USP19: variants seen among roughly 807,000 people sequenced by gnomAD.
The protein encoded by USP19 is ubiquitin specific peptidase 19.
Under a neutral mutation model 144.8 loss-of-function variants are expected in USP19, and 40 were observed. The observed-to-expected ratio is 0.28, with a 90% CI of 0.21 to 0.36. USP19 has a LOEUF of 0.36. Among genes scored for constraint, USP19 ranks in the 10% least tolerant of loss-of-function variants. The pLI is 1.00. For synonymous variants in USP19, 701 were observed against 709.3 expected (o/e 0.99, Z 0.19); for missense variants, 1,518 against 1,822.5 (o/e 0.83, Z 3.04).
In USP19 at chr3:49,110,327, C is replaced by T. The variant is rs185755099; in HGVS notation, c.3895G>A (p.Val1299Ile). The T allele has an allele frequency of 1.5e-4, 236 of 1,602,280 alleles. No homozygotes were observed. Among genetic ancestry groups the T allele is most frequent in the Admixed American group, 9.5e-4 (56 of 59,070 alleles). The change falls in exon 26 of 27, where the codon GTA (valine) becomes ATA (isoleucine). Residue 1299 changes from valine to isoleucine, a missense_variant. Physicochemically the swap from Val to Ile is conservative, Grantham distance 29. This residue lies in a region of USP19 where 122 missense variants were observed against 200.4 expected (regional missense o/e 0.61). Coordinates refer to ENST00000417901, the MANE Select transcript of USP19 (RefSeq NM_001199161.2). The surrounding 1 kb of genome is among the most constrained non-coding windows in gnomAD (Gnocchi z 6.1). ...RLFDDSTVTT[V>I]DESQVVTRYA... is the part of the protein sequence containing the mutation. ...CGCGTCACAACCTGGCTCTCGTCTA[C>T]CGTTGTCACTGTGCTGTCATCAAAC...
At chr3:49,120,267 G>A (rs1037230806) in intron 1 of USP19, among the ~76,000 whole-genome samples, 1 of 152,190 alleles carries the variant, frequency 6.6e-6, no homozygotes, top group Non-Finnish European at 1.5e-5. Flanking sequence ...AGGAAGGAGG[G>A]ATGGCAGGAT....
intron 26 of USP19, 186 bp downstream of exon 26, chr3:49,109,998 T>A: frequency 1.6e-6 from 1 of 610,532 alleles, no homozygotes; most frequent in Non-Finnish European, 2.5e-6. Context: ...CTTGTATGTT[T>A]GTTAGTGTCC....
Position 49,112,135 on chromosome 3 carries a change from G to A in USP19, c.2766-87C>T. 1.3e-6 allele frequency: 2 copies of A among 1,563,264 alleles called. No homozygotes were observed. Among genetic ancestry groups the A allele is most frequent in the Non-Finnish European group, 1.7e-6 (2 of 1,153,232 alleles). On this transcript the variant is annotated intron_variant, in intron 19 of 26. Coordinates refer to ENST00000417901, the MANE Select transcript of USP19 (RefSeq NM_001199161.2). This position sits in a 1 kb window ranked among gnomAD's most constrained non-coding sequence, Gnocchi z 4.9. ...GGGCTAGTCATAGTCCCTGGGAACT[G>A]GGTACGCCAGCCCTGCCTCCCCCAG...
Position 49,115,275 on chromosome 3 carries a change from C to T in USP19, c.1975G>A (p.Ala659Thr), listed in dbSNP as rs753321037. Reference sequence around the variant, plus strand: ...GCATGGTGGGTGCCCTTCCACAGCGCCCGAAGCAGCACGGCAAAGCCAATG... The same window carrying T: ...GCATGGTGGGTGCCCTTCCACAGCGTCCGAAGCAGCACGGCAAAGCCAATG... Reference protein sequence around the residue: ...LAIGFAVLLRALWKGTHHAFQ... With the variant: ...LAIGFAVLLRTLWKGTHHAFQ... The change falls in exon 13 of 27, where the codon GCG becomes ACG. Residue 659 changes from alanine to threonine, a missense_variant. This residue lies in a region of USP19 where 158 missense variants were observed against 277.3 expected (regional missense o/e 0.57). Transcript: ENST00000417901. This position sits in a 1 kb window ranked among gnomAD's most constrained non-coding sequence, Gnocchi z 6.6. 6.2e-7 allele frequency: 1 copy of T among 1,614,134 alleles called. No homozygotes were observed. Among genetic ancestry groups the T allele is most frequent in the Non-Finnish European group, 8.5e-7 (1 of 1,180,038 alleles).
rs1295745664 is a variant in USP19, at chr3:49,110,320, T to C, written c.3902A>G (p.Glu1301Gly). ...GGCATAACGCGTCACAACCTGGCTC[T>C]CGTCTACCGTTGTCACTGTGCTGTC... is the stretch of plus-strand genomic sequence containing the variant. ...FDDSTVTTVD[E>G]SQVVTRYAYV... The change falls in exon 26 of 27, where the codon GAG (glutamate) becomes GGG (glycine). Residue 1301 changes from glutamate to glycine, a missense_variant. By Grantham distance (98) the Glu-to-Gly change is moderately conservative (BLOSUM62 -2). This residue lies in a region of USP19 where 122 missense variants were observed against 200.4 expected (regional missense o/e 0.61). Coordinates refer to ENST00000417901, the MANE Select transcript of USP19 (RefSeq NM_001199161.2). This position sits in a 1 kb window ranked among gnomAD's most constrained non-coding sequence, Gnocchi z 6.1. The C allele has an allele frequency of 1.2e-6, 2 of 1,603,836 alleles. No individual in the cohort carries two copies. Among genetic ancestry groups the C allele is most frequent in the Admixed American group, 3.4e-5 (2 of 59,264 alleles).
chr3:49,111,460 T>A lies in USP19; in HGVS notation c.3217+40A>T. On this transcript the variant is annotated intron_variant, in intron 21 of 26. Coordinates refer to ENST00000417901, the MANE Select transcript of USP19 (RefSeq NM_001199161.2). This position sits in a 1 kb window ranked among gnomAD's most constrained non-coding sequence, Gnocchi z 5.9. ...CAACAGCCCCCTCCATCCTCCCTTA[T>A]CCTCCTCCCCAGCTTCTAGAGCCTT... is the stretch of plus-strand genomic sequence containing the variant. The A allele has an allele frequency of 1.2e-6, 2 of 1,611,780 alleles. No individual in the cohort carries two copies. Among genetic ancestry groups the A allele is most frequent in the Non-Finnish European group, 8.5e-7 (1 of 1,179,364 alleles).
chr3:49,111,232 C>T lies in USP19; in HGVS notation c.3328+23G>A. 6.2e-7 allele frequency: 1 copy of T among 1,614,086 alleles called. No individual in the cohort carries two copies. Among genetic ancestry groups the T allele is most frequent in the Non-Finnish European group, 8.5e-7 (1 of 1,179,976 alleles). ...ACAGCCAGCTCAACCCACCCCATGG[C>T]TCCCACCCACAGCCTCAGACACCTT... On this transcript the variant is annotated intron_variant, in intron 22 of 26. Coordinates refer to ENST00000417901, the MANE Select transcript of USP19 (RefSeq NM_001199161.2). This position sits in a 1 kb window ranked among gnomAD's most constrained non-coding sequence, Gnocchi z 5.9.
chr3:49,109,993 A>C, intron 26 of USP19, 191 bp downstream of exon 26: 1 of 573,538 alleles, frequency 1.7e-6, no homozygotes, highest in Non-Finnish European at 2.7e-6. Flanking sequence ...GTGTACTTGT[A>C]TGTTTGTTAG....
Position 49,111,621 on chromosome 3 carries a change from C to G in USP19, c.3096G>C (p.Val1032=). 6.2e-7 allele frequency: 1 copy of G among 1,609,874 alleles called. No homozygotes were observed. Among genetic ancestry groups the G allele is most frequent in the Non-Finnish European group, 8.5e-7 (1 of 1,178,312 alleles). ...CAGGACCCCGGTCAGGGGCTGCCCA[C>G]ACCCGGGGAAGCCCTGTGTCCCCCT... is the stretch of plus-strand genomic sequence containing the variant. ...MAEGDTGLPR[V]WAAPDRGPVP... Residue 1032 remains valine, a synonymous_variant, in exon 21 of 27, where the codon GTG becomes GTC. Transcript: ENST00000417901. The surrounding 1 kb of genome is among the most constrained non-coding windows in gnomAD (Gnocchi z 5.9).
rs1391511693 is a variant in USP19 at position 49,111,181 on chromosome 3, GGA to G, written c.3329-17_3329-16del. 2.5e-6 allele frequency: 4 copies of G among 1,614,026 alleles called. No homozygotes were observed. The highest frequency in any genetic ancestry group is 1.1e-5 in the South Asian group (1 of 91,074). On this transcript the variant is annotated splice_polypyrimidine_tract_variant and intron_variant, in intron 22 of 26. Transcript: ENST00000417901. This position sits in a 1 kb window ranked among gnomAD's most constrained non-coding sequence, Gnocchi z 5.9. ...TGGGGTGTCTCCTGGAGATTCGCAG[GGA>G]GAGAGGTCATGCAGCTGTGGAGAAC...
rs1319929093 is a variant in USP19, at chr3:49,114,716, TAGCTG to T, written c.2292+42_2292+46del. The T allele has an allele frequency of 5.0e-6, 8 of 1,597,024 alleles. No homozygotes were observed. Among genetic ancestry groups the T allele is most frequent in the Non-Finnish European group, 6.9e-6 (8 of 1,165,360 alleles). The stretch of plus-strand genomic sequence containing the variant: ...GCCTCTGAACCTAATGTGACCAGAA[TAGCTG>T]AGCTGAACTAGGGGGTCTCTTTCCA... On this transcript the variant is annotated intron_variant, in intron 15 of 26. Transcript: ENST00000417901. This position sits in a 1 kb window ranked among gnomAD's most constrained non-coding sequence, Gnocchi z 4.5.
At position 49,108,186 on chromosome 3, in the gene USP19, A is replaced by G; in HGVS notation, c.*226T>C. The G allele has an allele frequency of 4.6e-6, 1 of 216,456 alleles. No homozygotes were observed. Among genetic ancestry groups the G allele is most frequent in the Non-Finnish European group, 9.4e-6 (1 of 106,744 alleles). The allele number at this position is 216,456 out of a possible 1,614,324, so 13.4% of individuals were successfully genotyped here. On this transcript the variant is annotated 3_prime_UTR_variant, in exon 27 of 27. Transcript: ENST00000417901. The surrounding 1 kb of genome is among the most constrained non-coding windows in gnomAD (Gnocchi z 4.8). ...TCAGAAGAATTGAAGGTACAACAGA[A>G]TCAAATCACGCAGCACTGGAGGCGG...
rs757682286 is a variant in USP19 at position 49,117,463 on chromosome 3, G to C, written c.580C>G (p.Pro194Ala). Residue 194 changes from proline to alanine, a missense_variant, in exon 5 of 27, where the codon CCT becomes GCT. Coordinates refer to ENST00000417901, the MANE Select transcript of USP19 (RefSeq NM_001199161.2). This position sits in a 1 kb window ranked among gnomAD's most constrained non-coding sequence, Gnocchi z 4.4. The stretch of plus-strand genomic sequence containing the variant: ...AGGAGGGAGGGCCACGTGAGCATAG[G>C]CACCTTTTTGGGCAGTGTCAGGTGC... ...LLHLTLPKKVPMLTWPSLLKK... is the reference protein window; with the variant it reads ...LLHLTLPKKVAMLTWPSLLKK... The C allele has an allele frequency of 6.2e-7, 1 of 1,614,032 alleles. No homozygotes were observed. Among genetic ancestry groups the C allele is most frequent in the African/African-American group, 1.3e-5 (1 of 74,940 alleles).
Position 49,111,614 on chromosome 3 carries a change from C to T in USP19, c.3103G>A (p.Ala1035Thr), listed in dbSNP as rs766597509. ...CTGGGCACAGGACCCCGGTCAGGGG[C>T]TGCCCACACCCGGGGAAGCCCTGTG... ...GDTGLPRVWAAPDRGPVPSTS... is the reference protein window; with the variant it reads ...GDTGLPRVWATPDRGPVPSTS... The change falls in exon 21 of 27, where the codon GCC (alanine) becomes ACC (threonine). Residue 1035 changes from alanine to threonine, a missense_variant. Transcript: ENST00000417901. This position sits in a 1 kb window ranked among gnomAD's most constrained non-coding sequence, Gnocchi z 5.9. The T allele has an allele frequency of 5.0e-6, 8 of 1,610,686 alleles. No individual in the cohort carries two copies. Among genetic ancestry groups the T allele is most frequent in the Non-Finnish European group, 6.8e-6 (8 of 1,178,756 alleles).
chr3:49,109,217 C>CG (rs774013144), intron 26 of USP19: 165 of 1,442,720 alleles, frequency 1.1e-4, no homozygotes, highest in Admixed American at 2.3e-4. Context: ...ATCAGCACCC[C>CG]GGGGGTGGGG....
chr3:49,113,116 G>T (rs868212701), intron 17 of USP19, among the ~76,000 whole-genome samples: 8 of 152,152 alleles, frequency 5.3e-5, no homozygotes, highest in Middle Eastern at 3.2e-3. Flanking sequence ...CAAGCTCCTT[G>T]TCTAAAAAGG....
At chr3:49,109,246 G>A in intron 26 of USP19, 3 of 1,446,650 alleles carry the variant, frequency 2.1e-6, no homozygotes, top group Non-Finnish European at 2.7e-6. Context: ...GTGTCCCTGA[G>A]ACCCTTAGCC....
chr3:49,117,391 C>T lies in USP19; in HGVS notation c.607-30G>A, dbSNP rs775413203. The T allele has an allele frequency of 1.1e-5, 17 of 1,608,300 alleles. No homozygotes were observed. The highest frequency in any genetic ancestry group is 2.2e-5 in the East Asian group (1 of 44,722). On this transcript the variant is annotated intron_variant, in intron 5 of 26. Coordinates refer to ENST00000417901, the MANE Select transcript of USP19 (RefSeq NM_001199161.2). This position sits in a 1 kb window ranked among gnomAD's most constrained non-coding sequence, Gnocchi z 4.4. ...CAAAGATACAGCAGTCAGGCCCTGTCGACTACACTGGTATCCCTACCCAAC... is the reference window on the plus strand; with the variant it reads ...CAAAGATACAGCAGTCAGGCCCTGTTGACTACACTGGTATCCCTACCCAAC...
At position 49,115,828 on chromosome 3, in the gene USP19, T is replaced by C; in HGVS notation, c.1588A>G (p.Lys530Glu). 3 of 1,613,846 alleles carry C rather than the reference T, an allele frequency of 1.9e-6. No individual in the cohort carries two copies. Among genetic ancestry groups the C allele is most frequent in the Non-Finnish European group, 2.5e-6 (3 of 1,179,816 alleles). ...TCAGATCGTGCCTTGGATTTATCCT[T>C]CTCCACAGCCCGGGCCTCCTCCTGG... ...TGQEEARAVE[K>E]DKSKARSEDT... The change falls in exon 11 of 27, where the codon AAG (lysine) becomes GAG (glutamate). Residue 530 changes from lysine to glutamate, a missense_variant. Physicochemically the swap from Lys to Glu is moderately conservative, Grantham distance 56. This residue lies in a region of USP19 where 707 missense variants were observed against 728.9 expected (regional missense o/e 0.97). Transcript: ENST00000417901. The surrounding 1 kb of genome is among the most constrained non-coding windows in gnomAD (Gnocchi z 6.6).
Sources: allele counts gnomAD v4.1 joint callset (sites outside exome capture counted in the v4.1 genomes callset), GRCh38; gene constraint gnomAD v4.1.1; regional missense constraint gnomAD v4.1.1; non-coding constraint Gnocchi (gnomAD v3.1); transcripts MANE v1.5; gene names NCBI Gene and HGNC (gene_info 2026-07-23, HGNC 2026-07-21).